The following AKAP13 variants were observed in gnomAD, a reference collection of about 807,000 sequenced individuals.
AKAP13 encodes the protein A-kinase anchor protein 13.
Under a neutral mutation model 264.5 loss-of-function variants are expected in AKAP13, and 80 were observed. The ratio of observed to expected loss-of-function variants is 0.30; its 90% CI spans 0.25 to 0.36. AKAP13 has a LOEUF of 0.36. AKAP13 is among the 10% of genes least tolerant of loss of function. The probability of loss-of-function intolerance (pLI) is 1.00; values close to 1 mark genes in which losing one functional copy is unlikely to be tolerated. For synonymous variants in AKAP13, 1,380 were observed against 1,250.2 expected (o/e 1.10, Z -2.19); for missense variants, 3,712 against 3,435.2 (o/e 1.08, Z -2.01).
intron 1 of AKAP13, among the ~76,000 whole-genome samples, chr15:85,387,515 G>A (rs1027105751): frequency 1.3e-5 from 2 of 152,076 alleles, no homozygotes; most frequent in Non-Finnish European, 2.9e-5. Flanking sequence ...TGTAGAGACA[G>A]AGTCTCTCTA....
rs1199842078 is a variant in AKAP13 at position 85,442,419 on chromosome 15, A to AT, written c.-11-43291_-11-43290insT. ...AGCAAGATTCTGTCTCAAAAAAAAA[A>AT]AAAAATATATATATATATAATATAA... is the stretch of plus-strand genomic sequence containing the variant. On this transcript the variant is annotated intron_variant, in intron 1 of 36. Coordinates refer to ENST00000394518, the MANE Select transcript of AKAP13 (RefSeq NM_007200.5). 1.8e-4 allele frequency among the ~76,000 whole-genome samples: 17 copies of AT among 93,158 alleles called. 1 individual carries two copies. The highest frequency in any genetic ancestry group is 4.0e-4 in the Non-Finnish European group (16 of 40,038). 61.1% of individuals were successfully genotyped at this position (93,158 alleles called of 152,430 possible).
At position 85,733,873 on chromosome 15, in the gene AKAP13, C is replaced by CTTTTTTTTT. The variant is rs72092500; in HGVS notation, c.7283-1106_7283-1098dup. On this transcript the variant is annotated intron_variant, in intron 30 of 36. Transcript: ENST00000394518. Reference sequence around the variant, plus strand: ...TTTGTCATTTTCTTTTCTTTCTTTTCTTTTTTTTTTTTTTTTTTTTTGAGA... The same window carrying CTTTTTTTTT: ...TTTGTCATTTTCTTTTCTTTCTTTTCTTTTTTTTTTTTTTTTTTTTTTTTTTTTTTGAGA... Among the ~76,000 whole-genome samples the CTTTTTTTTT allele has an allele frequency of 4.3e-3, 356 of 82,504 alleles. 1 individual carries two copies. The highest frequency in any genetic ancestry group is 0.012 in the Middle Eastern group (1 of 84). 54.1% of individuals were successfully genotyped at this position (82,504 alleles called of 152,430 possible). A position where few individuals can be genotyped will look rare whatever the true frequency, so the allele number is the denominator to read the frequency against.
chr15:85,730,598 C>A lies in AKAP13; in HGVS notation c.7173C>A (p.Thr2391=). 6.2e-7 allele frequency: 1 copy of A among 1,614,046 alleles called. No homozygotes were observed. The highest frequency in any genetic ancestry group is 8.5e-7 in the Non-Finnish European group (1 of 1,179,978). ...TCCGGGACATGGCTGAGTGCAGCAC[C>A]CCTCTCCCAGAGGATTGCTCCCCAA... ...MIFRDMAECS[T]PLPEDCSPTH... Residue 2391 remains threonine, a synonymous_variant, in exon 30 of 37, where the codon ACC becomes ACA. Coordinates refer to ENST00000394518, the MANE Select transcript of AKAP13 (RefSeq NM_007200.5).
intron 29 of AKAP13, among the ~76,000 whole-genome samples, chr15:85,728,897 G>A (rs1397876146): frequency 6.6e-6 from 1 of 151,988 alleles, no homozygotes; most frequent in Non-Finnish European, 1.5e-5. Flanking sequence ...AGAGTTGCTT[G>A]AGGGAATGGG....
intron 21 of AKAP13, among the ~76,000 whole-genome samples, chr15:85,717,686 A>G (rs936633414): frequency 5.3e-5 from 8 of 152,244 alleles, no homozygotes; most frequent in Admixed American, 5.2e-4. Flanking sequence ...TCTAGCTCAC[A>G]GAGCAATTGT....
chr15:85,481,406 A>G (rs2075348747), intron 1 of AKAP13, among the ~76,000 whole-genome samples: 1 of 152,212 alleles, frequency 6.6e-6, no homozygotes. Flanking sequence ...ACACCAGAAG[A>G]GACTTACTGT....
chr15:85,425,179 C>G (rs1394738218), intron 1 of AKAP13, among the ~76,000 whole-genome samples: 3 of 152,028 alleles, frequency 2.0e-5, no homozygotes, highest in African/African-American at 7.2e-5. Context: ...TTGCCACAGA[C>G]CTTCAATTTG....
At chr15:85,447,397 G>A (rs1197394516) in intron 1 of AKAP13, among the ~76,000 whole-genome samples, 1 of 151,862 alleles carries the variant, frequency 6.6e-6, no homozygotes, top group Non-Finnish European at 1.5e-5. Flanking sequence ...TTTAGGTTTG[G>A]GGATACATGT....
intron 5 of AKAP13, among the ~76,000 whole-genome samples, chr15:85,574,525 T>G (rs1427875331): frequency 6.6e-6 from 1 of 152,258 alleles, no homozygotes; most frequent in Admixed American, 6.5e-5. Context: ...ATTTTAACTT[T>G]AAGTTCTTGG....
At chr15:85,694,492 TC>T (rs1328483285) in intron 17 of AKAP13, among the ~76,000 whole-genome samples, 3 of 152,272 alleles carry the variant, frequency 2.0e-5, no homozygotes, top group Non-Finnish European at 2.9e-5. Flanking sequence ...AATTTGAATT[TC>T]ATAAAATTTT....
rs550341986 is a variant in AKAP13, at chr15:85,674,115, A to G, written c.5101+4285A>G. ...AACACATTAGTGGTGATAATGTTGA[A>G]AGGGGAATTGGACCCGTTAGACGTT... is the stretch of plus-strand genomic sequence containing the variant. On this transcript the variant is annotated intron_variant, in intron 14 of 36. Transcript: ENST00000394518. Among the ~76,000 whole-genome samples, 67 of 152,010 alleles carry G rather than the reference A, an allele frequency of 4.4e-4. 1 individual carries two copies. In the East Asian group the frequency reaches 0.012, roughly 27 times the overall value.
chr15:85,712,162 T>C (rs2086664618), intron 19 of AKAP13, among the ~76,000 whole-genome samples: 1 of 152,092 alleles, frequency 6.6e-6, no homozygotes, highest in Admixed American at 6.5e-5. Context: ...ATCCTCCAGG[T>C]GATTCTGATG....
At chr15:85,409,644 T>C (rs1050815246) in intron 1 of AKAP13, among the ~76,000 whole-genome samples, 2 of 144,660 alleles carry the variant, frequency 1.4e-5, no homozygotes, top group African/African-American at 5.5e-5. Flanking sequence ...TTTTTTTTTT[T>C]GAGACAGAGT....
intron 3 of AKAP13, among the ~76,000 whole-genome samples, chr15:85,527,204 C>T (rs1045434373): frequency 2.6e-5 from 4 of 152,156 alleles, no homozygotes; most frequent in African/African-American, 9.7e-5. Context: ...ACCTCGTGAT[C>T]CGCCCGCCTT....
At chr15:85,601,608 T>TGTG (rs2080075703) in intron 8 of AKAP13, among the ~76,000 whole-genome samples, 72 of 132,082 alleles carry the variant, frequency 5.5e-4, no homozygotes, top group African/African-American at 2.0e-3. Context: ...CCTGAATTCT[T>TGTG]TGTGTGTGTG....
intron 14 of AKAP13, among the ~76,000 whole-genome samples, chr15:85,673,751 T>C (rs955879628): frequency 9.8e-5 from 14 of 142,720 alleles, no homozygotes; most frequent in Non-Finnish European, 1.7e-4. Flanking sequence ...AGTGGCACGA[T>C]CTTGGCTCAC....
intron 4 of AKAP13, among the ~76,000 whole-genome samples, chr15:85,541,033 A>G (rs1458215488): frequency 6.6e-6 from 1 of 152,262 alleles, no homozygotes; most frequent in Non-Finnish European, 1.5e-5. Context: ...CTGAATGAGG[A>G]GGAGAGGATT....
chr15:85,427,681 A>C (rs1036026107), intron 1 of AKAP13, among the ~76,000 whole-genome samples: 9 of 152,252 alleles, frequency 5.9e-5, no homozygotes, highest in Non-Finnish European at 2.9e-5. Flanking sequence ...GATGAGGCCA[A>C]TTATAGAATT....
At position 85,726,477 on chromosome 15, in the gene AKAP13, T is replaced by C. The variant is rs561711719; in HGVS notation, c.6813T>C (p.Phe2271=). 1.2e-6 allele frequency: 2 copies of C among 1,612,210 alleles called. No homozygotes were observed. The highest frequency in any genetic ancestry group is 2.2e-5 in the South Asian group (2 of 90,996). The change falls in exon 27 of 37, where the codon TTT becomes TTC. Residue 2271 remains phenylalanine, a synonymous_variant. Transcript: ENST00000394518. ...AAGAAAAAGACCAGAAGTACATCTT[T>C]GCATCATTGGTAAGCTGAATTGTTA... ...FLQEKDQKYI[F]ASLDQKSTVI...
Sources: gnomAD v4.1 joint callset for allele counts (sites outside exome capture counted in the v4.1 genomes callset) on GRCh38, gnomAD v4.1.1 for gene constraint, MANE v1.5 for transcripts, NCBI Gene and HGNC (gene_info 2026-07-23, HGNC 2026-07-21) for gene names.